Variants in KLHL20 observed in about 807,000 individuals in gnomAD.
KLHL20 encodes the protein kelch-like protein 20.
A neutral mutation model predicts 69.5 loss-of-function variants in KLHL20; 29 were observed. The ratio of observed to expected loss-of-function variants is 0.42; its 90% CI spans 0.31 to 0.57. KLHL20 has a LOEUF of 0.57. KLHL20 is among the 20% of genes least tolerant of loss of function. KLHL20 has a pLI of 0.18. For missense variants in KLHL20, 419 were observed against 776.0 expected (o/e 0.54, Z 5.47); for synonymous variants, 253 against 265.2 (o/e 0.95, Z 0.45).
chr1:173,727,556 C>T (rs146764694), intron 2 of KLHL20, among the ~76,000 whole-genome samples: 12,529 of 152,210 alleles, frequency 0.082, 740 homozygotes, highest in East Asian at 0.32. Context: ...GATCTCTCGG[C>T]AGAAACTCTA....
chr1:173,740,353 A>C (rs1571877930), intron 3 of KLHL20, among the ~76,000 whole-genome samples: 1 of 150,352 alleles, frequency 6.7e-6, no homozygotes, highest in African/African-American at 2.4e-5. Flanking sequence ...CTCGTGATCC[A>C]CCCGCCTCGG....
At chr1:173,754,259 CTAGAGT>C (rs956767394) in intron 5 of KLHL20, among the ~76,000 whole-genome samples, 2 of 152,014 alleles carry the variant, frequency 1.3e-5, no homozygotes, top group Non-Finnish European at 2.9e-5. Flanking sequence ...TTACCATAGA[CTAGAGT>C]TAAACTAGAT....
At chr1:173,732,190 C>T (rs1672314948) in intron 2 of KLHL20, among the ~76,000 whole-genome samples, 1 of 150,500 alleles carries the variant, frequency 6.6e-6, no homozygotes, top group Non-Finnish European at 1.5e-5. Flanking sequence ...GAGCCAGACT[C>T]TGTCTCAAAA....
intron 3 of KLHL20, among the ~76,000 whole-genome samples, chr1:173,740,544 T>A (rs753942940): frequency 1.1e-4 from 16 of 152,196 alleles, no homozygotes; most frequent in Non-Finnish European, 2.2e-4. Context: ...TGAACTTTCC[T>A]CTTAGCACCG....
chr1:173,763,459 A>G (rs564754451), intron 7 of KLHL20, among the ~76,000 whole-genome samples: 1 of 152,312 alleles, frequency 6.6e-6, no homozygotes, highest in East Asian at 1.9e-4. Context: ...ACAAATCTGG[A>G]GGCATCACAC....
intron 8 of KLHL20, among the ~76,000 whole-genome samples, chr1:173,766,649 A>G (rs898824619): frequency 1.4e-4 from 17 of 121,932 alleles, no homozygotes; most frequent in African/African-American, 8.8e-4. Context: ...TCAAGGGGGA[A>G]AAAAAAAAAA....
chr1:173,782,280 A>G, intron 11 of KLHL20, 50 bp downstream of exon 11: 2 of 1,378,596 alleles, frequency 1.5e-6, no homozygotes, highest in Non-Finnish European at 2.1e-6. Context: ...TTTGGAAATC[A>G]TGGGCTTGAA....
At chr1:173,765,285 C>G (rs1321581051) in intron 7 of KLHL20, among the ~76,000 whole-genome samples, 3 of 152,090 alleles carry the variant, frequency 2.0e-5, no homozygotes, top group Non-Finnish European at 4.4e-5. Flanking sequence ...GGGTGGATCA[C>G]GAGGTCAGGA....
rs1332798629 is a variant in KLHL20, at chr1:173,734,085, A to G, written c.396A>G (p.Thr132=). Residue 132 remains threonine, a synonymous_variant, in exon 3 of 12, where the codon ACA becomes ACG. Transcript: ENST00000209884. Reference sequence around the variant, plus strand: ...ACTTTGCGTATACCTCCCAGATAACAGTAGAAGAGGGCAATGTTCAGACTC... The same window carrying G: ...ACTTTGCGTATACCTCCCAGATAACGGTAGAAGAGGGCAATGTTCAGACTC... ...LIDFAYTSQI[T]VEEGNVQTLL... 6.2e-7 allele frequency: 1 copy of G among 1,614,214 alleles called. No individual in the cohort carries two copies. The highest frequency in any genetic ancestry group is 1.1e-5 in the South Asian group (1 of 91,086).
chr1:173,766,813 A>G (rs1647751035), intron 8 of KLHL20, among the ~76,000 whole-genome samples: 3 of 152,164 alleles, frequency 2.0e-5, no homozygotes, highest in Non-Finnish European at 4.4e-5. Context: ...AAAATTATAT[A>G]TATTCACAGT....
intron 3 of KLHL20, among the ~76,000 whole-genome samples, chr1:173,739,225 A>C (rs918233600): frequency 6.6e-6 from 1 of 151,872 alleles, no homozygotes; most frequent in African/African-American, 2.4e-5. Flanking sequence ...GGCACCCACC[A>C]CCACGCCCAG....
intron 3 of KLHL20, among the ~76,000 whole-genome samples, chr1:173,744,650 C>T (rs1209634291): frequency 5.3e-5 from 8 of 151,906 alleles, no homozygotes; most frequent in Non-Finnish European, 1.2e-4. Context: ...AAATATGGAC[C>T]TAATTTTATC....
chr1:173,737,223 T>A (rs1672577800), intron 3 of KLHL20, among the ~76,000 whole-genome samples: 1 of 152,286 alleles, frequency 6.6e-6, no homozygotes, highest in Non-Finnish European at 1.5e-5. Flanking sequence ...AGAAGCTTTT[T>A]AGTTTAAGTT....
chr1:173,722,980 G>A (rs1017749524), intron 2 of KLHL20, among the ~76,000 whole-genome samples: 12 of 152,090 alleles, frequency 7.9e-5, no homozygotes, highest in African/African-American at 1.7e-4. Context: ...GTGAGCCACC[G>A]CGCCTGGCAC....
chr1:173,716,196 A>G, intron 2 of KLHL20, 130 bp downstream of exon 2: 1 of 749,978 alleles, frequency 1.3e-6, no homozygotes, highest in Non-Finnish European at 2.2e-6. Flanking sequence ...TCTACAATAA[A>G]TCAAAAGTAA....
intron 2 of KLHL20, among the ~76,000 whole-genome samples, chr1:173,727,633 T>A (rs1423763426): frequency 6.6e-6 from 1 of 152,170 alleles, no homozygotes; most frequent in Non-Finnish European, 1.5e-5. Context: ...ACCCAGAATT[T>A]CATATCCAGC....
chr1:173,730,152 C>T (rs1571861350), intron 2 of KLHL20, among the ~76,000 whole-genome samples: 3 of 152,094 alleles, frequency 2.0e-5, no homozygotes, highest in East Asian at 1.9e-4. Flanking sequence ...CCTAGGAATC[C>T]AACTTACAAG....
At chr1:173,782,305 T>TCC in intron 11 of KLHL20, 75 bp downstream of exon 11, 2 of 1,089,354 alleles carry the variant, frequency 1.8e-6, no homozygotes, top group South Asian at 1.3e-5. Context: ...CCTATGACCA[T>TCC]CAGAACTGGG....
At chr1:173,721,415 A>G (rs957324041) in intron 2 of KLHL20, among the ~76,000 whole-genome samples, 4 of 152,218 alleles carry the variant, frequency 2.6e-5, no homozygotes, top group Admixed American at 2.0e-4. Flanking sequence ...TCCGTCTACT[A>G]TAGACACTAG....
Sources: allele counts gnomAD v4.1 joint callset (sites outside exome capture counted in the v4.1 genomes callset), GRCh38; gene constraint gnomAD v4.1.1; transcripts MANE v1.5; gene names NCBI Gene and HGNC (gene_info 2026-07-23, HGNC 2026-07-21).